Variants in NRXN1 observed in about 807,000 individuals in gnomAD.
The protein encoded by NRXN1 is neurexin-1.
NRXN1 carries 39 observed loss-of-function variants against 150.9 expected under a neutral mutation model. The ratio of observed to expected loss-of-function variants is 0.26; its 90% CI spans 0.20 to 0.34. NRXN1 has a LOEUF of 0.34. Ranked by LOEUF, NRXN1 falls within the 10% of genes least tolerant of loss-of-function variation. The pLI is 1.00. For synonymous variants in NRXN1, 924 were observed against 757.0 expected (o/e 1.22, Z -3.62); for missense variants, 1,815 against 1,949.9 (o/e 0.93, Z 1.30).
At chr2:50,253,146 C>G (rs997054421) in intron 17 of NRXN1, among the ~76,000 whole-genome samples, 1 of 151,922 alleles carries the variant, frequency 6.6e-6, no homozygotes, top group Non-Finnish European at 1.5e-5. Flanking sequence ...TAGCTGTATT[C>G]CTAGGTATTT....
At chr2:50,943,033 T>C (rs1196747941) in intron 2 of NRXN1, among the ~76,000 whole-genome samples, 2 of 152,082 alleles carry the variant, frequency 1.3e-5, no homozygotes, top group Non-Finnish European at 2.9e-5. Context: ...CCCTTGCTCT[T>C]CTGGTGATAG....
intron 2 of NRXN1, among the ~76,000 whole-genome samples, chr2:51,005,454 T>C (rs957047484): frequency 5.3e-5 from 8 of 151,920 alleles, no homozygotes; most frequent in Non-Finnish European, 1.0e-4. Context: ...AGAAAAGCTA[T>C]CCTTCAAAAA....
chr2:51,023,922 G>A (rs1211197891), intron 2 of NRXN1, among the ~76,000 whole-genome samples: 2 of 152,096 alleles, frequency 1.3e-5, no homozygotes, highest in African/African-American at 2.4e-5. Context: ...TAAGCCATAC[G>A]TGTTTATGGC....
chr2:50,898,479 C>G, intron 5 of NRXN1: 1 of 326,978 alleles, frequency 3.1e-6, no homozygotes, highest in South Asian at 2.4e-5. Flanking sequence ...TCAAAGTTAT[C>G]CTACTATTGG....
At chr2:50,400,858 G>C (rs116410128) in intron 17 of NRXN1, among the ~76,000 whole-genome samples, 1,683 of 152,248 alleles carry the variant, frequency 0.011, 36 homozygotes, top group African/African-American at 0.037. Flanking sequence ...GAAATATACA[G>C]TTGATTATCA....
At chr2:50,354,840 C>A (rs1232816670) in intron 17 of NRXN1, among the ~76,000 whole-genome samples, 5 of 152,002 alleles carry the variant, frequency 3.3e-5, no homozygotes, top group Admixed American at 3.3e-4. Flanking sequence ...ATGCCATGAA[C>A]TGGCAACCTG....
At chr2:50,546,898 T>C (rs1032678046) in intron 9 of NRXN1, among the ~76,000 whole-genome samples, 1 of 152,140 alleles carries the variant, frequency 6.6e-6, no homozygotes, top group Non-Finnish European at 1.5e-5. Context: ...GGGAGGAACA[T>C]TTACAGTCAG....
At chr2:50,892,952 A>T (rs185452702) in intron 5 of NRXN1, among the ~76,000 whole-genome samples, 3 of 152,216 alleles carry the variant, frequency 2.0e-5, no homozygotes, top group Admixed American at 2.0e-4. Flanking sequence ...CCAATGACTA[A>T]CCATGGCGTG....
chr2:50,181,074 T>G (rs1260462447), intron 18 of NRXN1, among the ~76,000 whole-genome samples: 1 of 152,096 alleles, frequency 6.6e-6, no homozygotes, highest in East Asian at 1.9e-4. Flanking sequence ...CATTCTCATT[T>G]AACCATGAAA....
At chr2:50,139,324 C>CAAAAAAA (rs35142652) in intron 18 of NRXN1, among the ~76,000 whole-genome samples, 2 of 77,402 alleles carry the variant, frequency 2.6e-5, no homozygotes, top group Non-Finnish European at 2.6e-5. Flanking sequence ...GACTTGGTAT[C>CAAAAAAA]AAAAAAAAAA....
intron 5 of NRXN1, among the ~76,000 whole-genome samples, chr2:50,782,988 C>G (rs1704565895): frequency 1.3e-5 from 2 of 152,146 alleles, no homozygotes; most frequent in Admixed American, 6.6e-5. Flanking sequence ...GAGACTTGCG[C>G]TCTGATAATG....
At chr2:50,043,810 T>C (rs1297982835) in intron 21 of NRXN1, among the ~76,000 whole-genome samples, 2 of 152,224 alleles carry the variant, frequency 1.3e-5, no homozygotes, top group African/African-American at 4.8e-5. Context: ...ACTTGGTTCA[T>C]TCTCCAATAT....
chr2:50,243,849 C>G (rs982412673), intron 17 of NRXN1, among the ~76,000 whole-genome samples: 4 of 151,106 alleles, frequency 2.6e-5, no homozygotes, highest in Non-Finnish European at 1.5e-5. Flanking sequence ...AGCCAAGATA[C>G]CATTTAAAAA....
intron 18 of NRXN1, among the ~76,000 whole-genome samples, chr2:50,138,708 G>A (rs17039976): frequency 0.19 from 29,530 of 152,134 alleles, 3,364 homozygotes; most frequent in East Asian, 0.37. Context: ...ACATTTAACA[G>A]TGGTTACTGT....
intron 2 of NRXN1, among the ~76,000 whole-genome samples, chr2:50,933,092 T>G (rs1359019412): frequency 6.6e-6 from 1 of 152,070 alleles, no homozygotes; most frequent in Admixed American, 6.6e-5. Flanking sequence ...TTGTCCTACT[T>G]TAAGAGCAAA....
At chr2:50,728,826 G>T (rs548974865) in intron 5 of NRXN1, among the ~76,000 whole-genome samples, 171 of 152,158 alleles carry the variant, frequency 1.1e-3, no homozygotes, top group African/African-American at 4.0e-3. Context: ...ATGAAGACTG[G>T]TATGTTTTAG....
chr2:50,138,831 C>A (rs1706811737), intron 18 of NRXN1, among the ~76,000 whole-genome samples: 1 of 152,148 alleles, frequency 6.6e-6, no homozygotes, highest in African/African-American at 2.4e-5. Flanking sequence ...ACCAATGGTC[C>A]CTTTAGTTTG....
rs541410137 is a variant in NRXN1, at chr2:50,311,352, T to A, written c.3365-74382A>T. 7.2e-5 allele frequency among the ~76,000 whole-genome samples: 11 copies of A among 152,276 alleles called. 1 individual carries two copies. The highest frequency in any genetic ancestry group is 2.6e-4 in the African/African-American group (11 of 41,576). On this transcript the variant is annotated intron_variant, in intron 17 of 22. Coordinates refer to ENST00000401669, the MANE Select transcript of NRXN1 (RefSeq NM_001330078.2). Reference sequence around the variant, plus strand: ...AACAGGTAATTTTGGAGAGTCTCTATTTATAAGCTAAGAATGATGATTTGA... The same window carrying A: ...AACAGGTAATTTTGGAGAGTCTCTAATTATAAGCTAAGAATGATGATTTGA...
intron 19 of NRXN1, among the ~76,000 whole-genome samples, chr2:50,060,695 C>T (rs1289715869): frequency 1.3e-5 from 2 of 152,082 alleles, no homozygotes; most frequent in Non-Finnish European, 2.9e-5. Context: ...TCATGGTGTT[C>T]TCATATAGTG....
Sources: gnomAD v4.1 joint callset for allele counts (sites outside exome capture counted in the v4.1 genomes callset) on GRCh38, gnomAD v4.1.1 for gene constraint, MANE v1.5 for transcripts, NCBI Gene and HGNC (gene_info 2026-07-23, HGNC 2026-07-21) for gene names.